The following LRP2 variants were observed in gnomAD, a reference collection of about 807,000 sequenced individuals.
LRP2 encodes LDL receptor related protein 2.
In LRP2, 172 loss-of-function variants were observed where a neutral mutation model predicts 531.0. The ratio of observed to expected loss-of-function variants is 0.32; its 90% confidence interval spans 0.29 to 0.37. LRP2 has a LOEUF of 0.37. Among genes scored for constraint, LRP2 ranks in the 10% least tolerant of loss-of-function variants. The probability of loss-of-function intolerance (pLI) is 1.00; values close to 1 mark genes in which losing one functional copy is unlikely to be tolerated. For synonymous variants in LRP2, 1,992 were observed against 2,027.6 expected, an observed-to-expected ratio of 0.98 and a Z score of 0.47; for missense variants, 5,167 against 5,868.3, an observed-to-expected ratio of 0.88 and a Z score of 3.90.
intron 4 of LRP2, among the ~76,000 whole-genome samples, chr2:169,297,495 A>C (rs1464413024): frequency 1.3e-5 from 2 of 152,200 alleles, no homozygotes; most frequent in African/African-American, 4.8e-5. Flanking sequence ...GCTATAAATT[A>C]AGCCTCAGAC....
Position 169,206,034 on chromosome 2 carries a change from A to G in LRP2, c.7545T>C (p.Asp2515=), listed in dbSNP as rs766781237. ...RVPKPRAIVL[D]PCQGYLYWAD... is the part of the protein sequence containing the mutation. The stretch of plus-strand genomic sequence containing the variant: ...AGATGATGGCATACCCTTGGCAGGG[A>G]TCTAACACAATTGCTCTTGGTTTTG... Residue 2515 remains aspartate (D), a synonymous_variant, in exon 40 of 79, where the codon GAT becomes GAC. Transcript: ENST00000649046. 9 of 1,614,248 alleles carry G rather than the reference A, an allele frequency of 5.6e-6. No individual in the cohort carries two copies. The highest frequency in any genetic ancestry group is 6.8e-6 in the Non-Finnish European group (8 of 1,180,044).
chr2:169,242,304 G>C (rs1263027792), intron 24 of LRP2, among the ~76,000 whole-genome samples: 3 of 152,114 alleles, frequency 2.0e-5, no homozygotes, highest in Non-Finnish European at 4.4e-5. Context: ...TGTGAGTATA[G>C]GTTTCCAGTC....
At chr2:169,307,227 G>T in intron 4 of LRP2, 54 bp downstream of exon 4, 1 of 1,181,014 alleles carries the variant, frequency 8.5e-7, no homozygotes, top group Non-Finnish European at 1.3e-6. Context: ...TGATTAAAAT[G>T]CCAAAGGGAC....
chr2:169,361,262 C>G (rs949999324), intron 1 of LRP2, among the ~76,000 whole-genome samples: 2 of 151,446 alleles, frequency 1.3e-5, no homozygotes, highest in South Asian at 2.1e-4. Context: ...GAGAGCTCGC[C>G]GGTTCCAGCC....
intron 66 of LRP2, 72 bp from the exon 67 acceptor site, chr2:169,153,036 G>A (rs1383490996): frequency 7.2e-7 from 1 of 1,392,152 alleles, no homozygotes; most frequent in Non-Finnish European, 1.0e-6. Context: ...GGTCTAATCA[G>A]GTGAAGTACT....
Position 169,236,063 on chromosome 2 carries a change from T to A in LRP2, c.4697A>T (p.His1566Leu), listed in dbSNP as rs779123438. 2 of 1,612,784 alleles carry A rather than the reference T, an allele frequency of 1.2e-6. No homozygotes were observed. The highest frequency in any genetic ancestry group is 2.2e-5 in the South Asian group (2 of 90,958). The change falls in exon 29 of 79, where the codon CAT becomes CTT. Residue 1566 changes from histidine (H) to leucine (L), a missense_variant. By Grantham distance (99) the His-to-Leu change is moderately conservative. Coordinates refer to ENST00000649046, the MANE Select transcript of LRP2 (RefSeq NM_004525.3). ...GCCCCAGTCAGACCAGAACAGTAGA[T>A]GCTCACTGGGAAAGGAAATGAGTTA... ...GLALDPRMNEHLLFWSDWGHH... is the reference protein window; with the variant it reads ...GLALDPRMNELLLFWSDWGHH...
chr2:169,206,724 T>C lies in LRP2; in HGVS notation c.6996A>G (p.Gln2332=), dbSNP rs1313713071. 6.2e-7 allele frequency: 1 copy of C among 1,614,184 alleles called. No homozygotes were observed. The highest frequency in any genetic ancestry group is 8.5e-7 in the Non-Finnish European group (1 of 1,180,022). ...WLRDVTIFDK[Q]VQPRSPAEVN... is the part of the protein sequence containing the mutation. ...CCTCTGCTGGTGACCGGGGCTGGACTTGCTTGTCAAAGATGGTCACATCTC... is the reference window on the plus strand; with the variant it reads ...CCTCTGCTGGTGACCGGGGCTGGACCTGCTTGTCAAAGATGGTCACATCTC... The change falls in exon 39 of 79, where the codon CAA becomes CAG. Residue 2332 remains glutamine, a synonymous_variant. Transcript: ENST00000649046.
At chr2:169,292,088 C>T (rs888864034) in intron 7 of LRP2, among the ~76,000 whole-genome samples, 165 bp downstream of exon 7, 4 of 152,136 alleles carry the variant, frequency 2.6e-5, no homozygotes, top group African/African-American at 9.7e-5. Context: ...AGCGCAGTCA[C>T]CTCCGTCTTC....
At chr2:169,215,743 A>ATAT in intron 35 of LRP2, among the ~76,000 whole-genome samples, 1 of 147,416 alleles carries the variant, frequency 6.8e-6, no homozygotes, top group African/African-American at 2.5e-5. Context: ...TATATTCTAT[A>ATAT]TCTATATAGA....
chr2:169,160,687 A>AC lies in LRP2; in HGVS notation c.11887+1784_11887+1785insG, dbSNP rs1292977086. ...GTTTGTGCTACTTATTTCCTTAAAA[A>AC]AAAAAAAACCTGCTACTAATTAAAT... On this transcript the variant is annotated intron_variant, in intron 63 of 78. Transcript: ENST00000649046. 4.7e-5 allele frequency among the ~76,000 whole-genome samples: 5 copies of AC among 105,772 alleles called. No homozygotes were observed. The East Asian group carries it at 9.8e-4, about 21-fold the overall frequency. The allele number at this position is 105,772 out of a possible 152,430, so 69.4% of individuals were successfully genotyped here.
At chr2:169,207,948 A>G (rs1388807568) in intron 38 of LRP2, among the ~76,000 whole-genome samples, 1 of 152,216 alleles carries the variant, frequency 6.6e-6, no homozygotes, top group African/African-American at 2.4e-5. Flanking sequence ...AGACACACAT[A>G]TTTTGTTCCT....
In LRP2 at chr2:169,140,476, T is replaced by C. The variant is rs1032542687; in HGVS notation, c.13178A>G (p.Glu4393Gly). 2 of 1,614,068 alleles carry C rather than the reference T, an allele frequency of 1.2e-6. No homozygotes were observed. Among genetic ancestry groups the C allele is most frequent in the Non-Finnish European group, 1.7e-6 (2 of 1,179,946 alleles). Residue 4393 changes from glutamate to glycine, a missense_variant, in exon 72 of 79, where the codon GAG becomes GGG. Physicochemically the swap from Glu to Gly is moderately conservative, Grantham distance 98. This residue lies in a region of LRP2 where 348 missense variants were observed against 369.3 expected (regional missense o/e 0.94). Coordinates refer to ENST00000649046, the MANE Select transcript of LRP2 (RefSeq NM_004525.3). ...TTACTTGCATTTGGGGAGGTCAGTC[T>C]CATCAAAATAGCAATTTCCTCCGTG... is the stretch of plus-strand genomic sequence containing the variant. ...CMHGGNCYFD[E>G]TDLPKCKCPS...
At chr2:169,143,830 C>T (rs1255615133) in intron 70 of LRP2, among the ~76,000 whole-genome samples, 1 of 152,156 alleles carries the variant, frequency 6.6e-6, no homozygotes, top group Non-Finnish European at 1.5e-5. Flanking sequence ...AGTGGATAAT[C>T]TTTACATTCC....
chr2:169,275,898 A>G (rs1202606638), intron 13 of LRP2, among the ~76,000 whole-genome samples: 1 of 152,092 alleles, frequency 6.6e-6, no homozygotes, highest in African/African-American at 2.4e-5. Flanking sequence ...AAGAGAGGAA[A>G]TCAACAACGC....
rs1011111232 is a variant in LRP2 at position 169,154,809 on chromosome 2, G to C, written c.12152-206C>G. Among the ~76,000 whole-genome samples the C allele has an allele frequency of 2.6e-5, 4 of 152,164 alleles. No homozygotes were observed. In the South Asian group the frequency reaches 8.3e-4, roughly 32 times the overall value. On this transcript the variant is annotated intron_variant, in intron 65 of 78. Transcript: ENST00000649046. ...TGACATTCTCCACTTCAAGTGGAAA[G>C]CTAATATGTCTCTTAGGGACATTAT...
intron 44 of LRP2, among the ~76,000 whole-genome samples, chr2:169,201,169 T>A (rs1688189866): frequency 6.6e-6 from 1 of 152,210 alleles, no homozygotes; most frequent in Non-Finnish European, 1.5e-5. Flanking sequence ...ATCAATGACA[T>A]TAAAAAGTGG....
At chr2:169,360,397 A>G (rs1362083301) in intron 1 of LRP2, among the ~76,000 whole-genome samples, 1 of 151,942 alleles carries the variant, frequency 6.6e-6, no homozygotes, top group African/African-American at 2.4e-5. Flanking sequence ...ATATATGTGT[A>G]TGCTAGGTTA....
chr2:169,276,713 T>C (rs1683565157), intron 13 of LRP2, among the ~76,000 whole-genome samples: 1 of 152,088 alleles, frequency 6.6e-6, no homozygotes, highest in African/African-American at 2.4e-5. Flanking sequence ...AACAATAAAA[T>C]CAAGTCATTG....
chr2:169,147,979 C>G (rs1375671464), intron 68 of LRP2, among the ~76,000 whole-genome samples: 1 of 152,054 alleles, frequency 6.6e-6, no homozygotes, highest in Non-Finnish European at 1.5e-5. Context: ...TTGTCCCAGC[C>G]AAATATGTCC....
Sources: gnomAD v4.1 joint callset for allele counts (sites outside exome capture counted in the v4.1 genomes callset) on GRCh38, gnomAD v4.1.1 for gene constraint, gnomAD v4.1.1 regional missense constraint, MANE v1.5 for transcripts, NCBI Gene and HGNC (gene_info 2026-07-23, HGNC 2026-07-21) for gene names.